TSGA10: variants seen among roughly 807,000 people sequenced by gnomAD.
TSGA10 encodes testis specific 10.
In TSGA10, 43 loss-of-function variants were observed where a neutral mutation model predicts 96.6. The observed-to-expected ratio is 0.44, with a 90% confidence interval of 0.35 to 0.57. The LOEUF (loss-of-function observed/expected upper bound fraction) is 0.57. TSGA10 is among the 20% of genes least tolerant of loss of function. TSGA10 has a pLI of 0.01. For missense variants in TSGA10, 703 were observed against 834.4 expected (o/e 0.84, Z 1.94); for synonymous variants, 229 against 269.9 (o/e 0.85, Z 1.48).
intron 16 of TSGA10, among the ~76,000 whole-genome samples, chr2:99,038,417 A>G (rs2081867609): frequency 6.6e-6 from 1 of 152,178 alleles, no homozygotes; most frequent in African/African-American, 2.4e-5. Context: ...AGACTCACCT[A>G]ACACATAAGG....
At chr2:99,031,158 T>G (rs146804529) in intron 17 of TSGA10, among the ~76,000 whole-genome samples, 1 of 151,532 alleles carries the variant, frequency 6.6e-6, no homozygotes, top group East Asian at 1.9e-4. Context: ...TGTAAAAGAA[T>G]AGAAAACCAA....
chr2:99,123,625 A>T (rs1179742133), intron 2 of TSGA10, among the ~76,000 whole-genome samples: 1 of 152,100 alleles, frequency 6.6e-6, no homozygotes, highest in African/African-American at 2.4e-5. Flanking sequence ...CATCACCACT[A>T]CCTATTTCCA....
chr2:99,065,235 G>A, intron 15 of TSGA10, 111 bp from the exon 16 acceptor site: 1 of 1,140,722 alleles, frequency 8.8e-7, no homozygotes, highest in Non-Finnish European at 1.2e-6. Flanking sequence ...GTTTATAATA[G>A]AACCCTGAGG....
chr2:99,104,825 T>C (rs541258895), intron 9 of TSGA10, among the ~76,000 whole-genome samples: 1 of 152,338 alleles, frequency 6.6e-6, no homozygotes, highest in African/African-American at 2.4e-5. Flanking sequence ...GATGAACTTA[T>C]AAATATATTC....
chr2:99,138,622 G>C (rs1386064346), intron 1 of TSGA10, among the ~76,000 whole-genome samples: 2 of 152,210 alleles, frequency 1.3e-5, no homozygotes, highest in Non-Finnish European at 2.9e-5. Flanking sequence ...ATGATTGTGA[G>C]AGGAAGAGAG....
intron 15 of TSGA10, among the ~76,000 whole-genome samples, 187 bp from the exon 16 acceptor site, chr2:99,065,311 A>T (rs1249896523): frequency 6.6e-6 from 1 of 152,242 alleles, no homozygotes; most frequent in Non-Finnish European, 1.5e-5. Flanking sequence ...TGCAATCAGC[A>T]TCTGCCCTGG....
At chr2:99,005,352 G>T (rs1439801961) in intron 20 of TSGA10, among the ~76,000 whole-genome samples, 1 of 152,144 alleles carries the variant, frequency 6.6e-6, no homozygotes, top group Non-Finnish European at 1.5e-5. Flanking sequence ...AAGTCAAATT[G>T]GCCCTGTTTG....
chr2:99,053,367 A>C (rs546425115), intron 16 of TSGA10, among the ~76,000 whole-genome samples: 3 of 152,126 alleles, frequency 2.0e-5, no homozygotes, highest in African/African-American at 7.2e-5. Flanking sequence ...AAAAAAAAAA[A>C]TACTAGCAAA....
At chr2:99,083,214 G>C (rs1473465481) in intron 10 of TSGA10, among the ~76,000 whole-genome samples, 2 of 152,058 alleles carry the variant, frequency 1.3e-5, no homozygotes, top group African/African-American at 4.8e-5. Context: ...TATCTATTAA[G>C]ACAATTATAA....
At chr2:99,137,868 C>CA (rs1429361199) in intron 1 of TSGA10, among the ~76,000 whole-genome samples, 1 of 136,180 alleles carries the variant, frequency 7.3e-6, no homozygotes, top group Non-Finnish European at 1.5e-5. Context: ...GCCTGGGCAA[C>CA]AGAGTGAGAC....
intron 2 of TSGA10, chr2:99,126,243 T>C (rs191397208): frequency 6.6e-6 from 1 of 152,548 alleles, no homozygotes; most frequent in Admixed American, 6.5e-5. Context: ...TAGTTTTTTC[T>C]GTGGTATTTG....
intron 17 of TSGA10, among the ~76,000 whole-genome samples, chr2:99,021,941 T>C (rs2080055696): frequency 6.6e-6 from 1 of 152,160 alleles, no homozygotes; most frequent in South Asian, 2.1e-4. Flanking sequence ...TTTTGAAATA[T>C]AATTCACATG....
chr2:99,009,260 T>A (rs1267880062), intron 20 of TSGA10, among the ~76,000 whole-genome samples: 1 of 152,112 alleles, frequency 6.6e-6, no homozygotes, highest in Non-Finnish European at 1.5e-5. Flanking sequence ...ACAAACTCAG[T>A]ATTTAACTAA....
At chr2:99,004,327 G>C (rs983930664) in intron 20 of TSGA10, among the ~76,000 whole-genome samples, 5 of 151,842 alleles carry the variant, frequency 3.3e-5, no homozygotes, top group Non-Finnish European at 7.4e-5. Flanking sequence ...ACCAAAAAAA[G>C]TCCAGGACTA....
chr2:99,086,611 A>G (rs2088424808), intron 10 of TSGA10, among the ~76,000 whole-genome samples: 1 of 152,236 alleles, frequency 6.6e-6, no homozygotes. Flanking sequence ...ATAGGCATCT[A>G]TGAAAAGCTT....
At chr2:99,132,314 G>T (rs1306755671) in intron 1 of TSGA10, among the ~76,000 whole-genome samples, 1 of 151,742 alleles carries the variant, frequency 6.6e-6, no homozygotes, top group Non-Finnish European at 1.5e-5. Flanking sequence ...CTTGTTATTG[G>T]TCTATTCAGG....
At chr2:99,085,064 T>G (rs1302376986) in intron 10 of TSGA10, among the ~76,000 whole-genome samples, 1 of 151,294 alleles carries the variant, frequency 6.6e-6, no homozygotes, top group Non-Finnish European at 1.5e-5. Context: ...AGCCTGAACA[T>G]GGTGAAACCC....
At chr2:99,095,246 G>A (rs1014658176) in intron 10 of TSGA10, among the ~76,000 whole-genome samples, 4 of 152,080 alleles carry the variant, frequency 2.6e-5, no homozygotes, top group Non-Finnish European at 4.4e-5. Context: ...GGGATTTAGG[G>A]GAAAGGATGG....
intron 17 of TSGA10, among the ~76,000 whole-genome samples, chr2:99,030,590 G>A (rs537106994): frequency 1.3e-5 from 2 of 150,782 alleles, no homozygotes; most frequent in South Asian, 4.2e-4. Flanking sequence ...GTTCAAGACT[G>A]CAGTAATCTG....
Sources: allele counts gnomAD v4.1 joint callset (sites outside exome capture counted in the v4.1 genomes callset), GRCh38; gene constraint gnomAD v4.1.1; transcripts MANE v1.5; gene names NCBI Gene and HGNC (gene_info 2026-07-23, HGNC 2026-07-21).